CCDC146: variants seen among roughly 807,000 people sequenced by gnomAD.
The protein encoded by CCDC146 is coiled-coil domain containing 146.
CCDC146 carries 92 observed loss-of-function variants against 119.3 expected under a neutral mutation model. That is an observed-to-expected ratio of 0.77 (90% CI 0.65 to 0.92). The LOEUF (loss-of-function observed/expected upper bound fraction) is 0.92, where lower values mean the gene tolerates loss of function less well. Ranked by LOEUF, CCDC146 falls within the 40% of genes least tolerant of loss-of-function variation. The pLI is 0.00. For missense variants in CCDC146, 1,000 were observed against 1,103.0 expected, an observed-to-expected ratio of 0.91 and a Z score of 1.32; for synonymous variants, 372 against 371.8, an observed-to-expected ratio of 1.00 and a Z score of -0.01.
chr7:77,259,942 G>A, intron 7 of CCDC146, 67 bp from the exon 8 acceptor site: 1 of 218 alleles, frequency 4.6e-3, no homozygotes, highest in Non-Finnish European at 7.5e-3. Flanking sequence ...TAAGGCAAGT[G>A]TGTGTGTGTG....
At chr7:77,171,054 A>G (rs1791413466) in intron 2 of CCDC146, among the ~76,000 whole-genome samples, 1 of 152,214 alleles carries the variant, frequency 6.6e-6, no homozygotes, top group African/African-American at 2.4e-5. Flanking sequence ...GAACTTTGCA[A>G]TAAAATTTCT....
intron 1 of CCDC146, among the ~76,000 whole-genome samples, chr7:77,164,933 C>T (rs1791318860): frequency 6.6e-6 from 1 of 152,106 alleles, no homozygotes; most frequent in African/African-American, 2.4e-5. Flanking sequence ...GAAGATCAGA[C>T]CTTAAAAGCA....
intron 2 of CCDC146, among the ~76,000 whole-genome samples, chr7:77,187,097 C>G (rs1791679290): frequency 6.6e-6 from 1 of 152,166 alleles, no homozygotes; most frequent in Non-Finnish European, 1.5e-5. Context: ...TTTGCTTTAA[C>G]AATTCTCCAC....
chr7:77,142,466 GGTTT>G (rs1790949761), intron 1 of CCDC146, among the ~76,000 whole-genome samples: 1 of 151,626 alleles, frequency 6.6e-6, no homozygotes, highest in Non-Finnish European at 1.5e-5. Context: ...ACAATGTGCA[GGTTT>G]GTTACATCTG....
At chr7:77,189,219 C>T (rs1276369736) in intron 2 of CCDC146, among the ~76,000 whole-genome samples, 1 of 152,124 alleles carries the variant, frequency 6.6e-6, no homozygotes, top group Non-Finnish European at 1.5e-5. Context: ...ACAGGCTTCC[C>T]CTGCAGACTT....
chr7:77,219,570 C>T (rs1792363612), intron 2 of CCDC146, among the ~76,000 whole-genome samples: 1 of 152,184 alleles, frequency 6.6e-6, no homozygotes, highest in Non-Finnish European at 1.5e-5. Context: ...AACTGGTTCA[C>T]ATTAGTACAT....
intron 2 of CCDC146, among the ~76,000 whole-genome samples, chr7:77,233,908 T>G (rs1351628882): frequency 2.9e-4 from 1 of 3,400 alleles, no homozygotes. Flanking sequence ...TATTCTATCA[T>G]TTTTTTTTTT....
At chr7:77,148,803 C>G (rs186820985) in intron 1 of CCDC146, among the ~76,000 whole-genome samples, 250 of 152,110 alleles carry the variant, frequency 1.6e-3, no homozygotes, top group African/African-American at 5.8e-3. Flanking sequence ...TAGAGAACTA[C>G]AAACCACTGC....
chr7:77,203,194 C>T (rs188636959), intron 2 of CCDC146, among the ~76,000 whole-genome samples: 4 of 151,862 alleles, frequency 2.6e-5, no homozygotes, highest in Admixed American at 2.6e-4. Flanking sequence ...GCATTATTAC[C>T]AAGGCATGAT....
intron 1 of CCDC146, among the ~76,000 whole-genome samples, chr7:77,150,605 G>A (rs1303602915): frequency 6.6e-6 from 1 of 152,186 alleles, no homozygotes; most frequent in African/African-American, 2.4e-5. Flanking sequence ...TACGTTATTG[G>A]TAGGAATATA....
chr7:77,188,589 A>C (rs1362577896), intron 2 of CCDC146, among the ~76,000 whole-genome samples: 1 of 152,146 alleles, frequency 6.6e-6, no homozygotes, highest in African/African-American at 2.4e-5. Flanking sequence ...ATTACATCAC[A>C]ACACCCCACT....
intron 17 of CCDC146, 117 bp downstream of exon 17, chr7:77,287,694 G>A: frequency 9.1e-7 from 1 of 1,099,110 alleles, no homozygotes; most frequent in Non-Finnish European, 1.3e-6. Flanking sequence ...TTATGACTAG[G>A]GGAACTTAGA....
At chr7:77,160,900 T>C (rs1791250778) in intron 1 of CCDC146, among the ~76,000 whole-genome samples, 1 of 152,154 alleles carries the variant, frequency 6.6e-6, no homozygotes, top group Admixed American at 6.5e-5. Context: ...GACAAAGGGC[T>C]AATATCCAGA....
intron 1 of CCDC146, among the ~76,000 whole-genome samples, chr7:77,148,686 TAGAC>T: frequency 6.6e-6 from 1 of 152,094 alleles, no homozygotes; most frequent in South Asian, 2.1e-4. Flanking sequence ...ACACCAATAA[TAGAC>T]AAACAGAGCA....
chr7:77,236,230 C>T lies in CCDC146; in HGVS notation c.157-717C>T, dbSNP rs962480230. Reference sequence around the variant, plus strand: ...AGGATGGTAAAACTTTAGTGTTTGACGATGTTTTATGATGTCTGTTAACTA... The same window carrying T: ...AGGATGGTAAAACTTTAGTGTTTGATGATGTTTTATGATGTCTGTTAACTA... On this transcript the variant is annotated intron_variant, in intron 2 of 18. Coordinates refer to ENST00000285871, the MANE Select transcript of CCDC146 (RefSeq NM_020879.3). Among the ~76,000 whole-genome samples the T allele has an allele frequency of 6.6e-5, 10 of 152,198 alleles. No individual in the cohort carries two copies. In the East Asian group the frequency reaches 1.2e-3, roughly 18 times the overall value.
chr7:77,173,986 T>C (rs1168849627), intron 2 of CCDC146, among the ~76,000 whole-genome samples: 1 of 152,186 alleles, frequency 6.6e-6, no homozygotes, highest in African/African-American at 2.4e-5. Flanking sequence ...CCTTTAAATA[T>C]GTATCTCATT....
rs747013439 is a variant in CCDC146 at position 77,273,674 on chromosome 7, T to A, written c.1174-20T>A. The A allele has an allele frequency of 3.8e-6, 6 of 1,570,144 alleles. No individual in the cohort carries two copies. The African/African-American group carries it at 8.1e-5, about 21-fold the overall frequency. On this transcript the variant is annotated intron_variant, in intron 9 of 18. Transcript: ENST00000285871. ...ATTTATTTCTTACATAAATGCATGTTTTTAAATTTTGATTTCCAGATGGAA... is the reference window on the plus strand; with the variant it reads ...ATTTATTTCTTACATAAATGCATGTATTTAAATTTTGATTTCCAGATGGAA...
At position 77,248,993 on chromosome 7, in the gene CCDC146, T is replaced by C. The variant is rs563854782; in HGVS notation, c.450-5513T>C. 3.3e-5 allele frequency among the ~76,000 whole-genome samples: 5 copies of C among 152,348 alleles called. No homozygotes were observed. The South Asian group carries it at 8.3e-4, about 25-fold the overall frequency. ...TTAGAAAAACTGACATTTCTTTCTA[T>C]AGATGCCAAGTATATCCAATTGATT... On this transcript the variant is annotated intron_variant, in intron 4 of 18. Transcript: ENST00000285871.
At chr7:77,177,335 G>C (rs1004114599) in intron 2 of CCDC146, among the ~76,000 whole-genome samples, 1 of 152,120 alleles carries the variant, frequency 6.6e-6, no homozygotes, top group Non-Finnish European at 1.5e-5. Context: ...AAGGGGAAAA[G>C]ATAAGAACCC....
Sources: gnomAD v4.1 joint callset for allele counts (sites outside exome capture counted in the v4.1 genomes callset) on GRCh38, gnomAD v4.1.1 for gene constraint, MANE v1.5 for transcripts, NCBI Gene and HGNC (gene_info 2026-07-23, HGNC 2026-07-21) for gene names.